The following CHIC1 variants were observed in gnomAD, a reference collection of about 807,000 sequenced individuals.
CHIC1 encodes cysteine rich hydrophobic domain 1.
Under a neutral mutation model 18.5 loss-of-function variants are expected in CHIC1, and 7 were observed. The observed-to-expected ratio is 0.38, with a 90% CI of 0.22 to 0.71. The LOEUF (loss-of-function observed/expected upper bound fraction) is 0.71. Among genes scored for constraint, CHIC1 ranks in the 30% least tolerant of loss-of-function variants. The probability of loss-of-function intolerance (pLI) is 0.49; values close to 1 mark genes in which losing one functional copy is unlikely to be tolerated. For missense variants in CHIC1, 159 were observed against 176.9 expected (o/e 0.90, Z 0.57); for synonymous variants, 77 against 73.5 (o/e 1.05, Z -0.25).
At chrX:73,568,838 T>C (rs1260054351) in intron 1 of CHIC1, among the ~76,000 whole-genome samples, 1 of 111,677 alleles carries the variant, frequency 9.0e-6, no homozygotes, top group Non-Finnish European at 1.9e-5. Context: ...AGTGCATTTC[T>C]CCAAAAACTT....
At chrX:73,660,036 C>A (rs903619804) in intron 3 of CHIC1, among the ~76,000 whole-genome samples, 2 of 111,920 alleles carry the variant, frequency 1.8e-5, no homozygotes, top group Non-Finnish European at 3.8e-5. Flanking sequence ...GGGCTTGTCC[C>A]CCAAGACAGA....
At chrX:73,570,983 T>C (rs1460230091) in intron 1 of CHIC1, among the ~76,000 whole-genome samples, 2 of 110,932 alleles carry the variant, frequency 1.8e-5, no homozygotes, top group African/African-American at 6.5e-5. Flanking sequence ...GAATAAGATA[T>C]TATTTTCAGC....
Position 73,684,247 on chromosome X carries a change from C to T in CHIC1, c.*3242C>T, listed in dbSNP as rs956859124. 2.7e-5 allele frequency: 3 copies of T among 110,518 alleles called. No homozygotes were observed. In the East Asian group the frequency reaches 8.5e-4, roughly 31 times the overall value. 9.1% of individuals were successfully genotyped at this position (110,518 alleles called of 1,213,427 possible). On this transcript the variant is annotated 3_prime_UTR_variant, in exon 6 of 6. Coordinates refer to ENST00000373502, the MANE Select transcript of CHIC1 (RefSeq NM_001039840.4). Reference sequence around the variant, plus strand: ...AGTAAACATGTAATTTAATTTAGTTCTGGAAGGACAGTTGTCTTTGATTAA... The same window carrying T: ...AGTAAACATGTAATTTAATTTAGTTTTGGAAGGACAGTTGTCTTTGATTAA...
intron 3 of CHIC1, among the ~76,000 whole-genome samples, chrX:73,661,741 A>T (rs2057981447): frequency 9.0e-6 from 1 of 111,621 alleles, no homozygotes; most frequent in Admixed American, 9.6e-5. Context: ...AACAATATTG[A>T]TGGGCTGAGC....
chrX:73,623,687 A>G (rs1440070768), intron 3 of CHIC1, among the ~76,000 whole-genome samples: 1 of 111,397 alleles, frequency 9.0e-6, no homozygotes, highest in African/African-American at 3.3e-5. Flanking sequence ...TAGCAAAAAA[A>G]ATTTACATTT....
At chrX:73,677,608 A>C (rs1205749649) in intron 3 of CHIC1, among the ~76,000 whole-genome samples, 1 of 111,793 alleles carries the variant, frequency 8.9e-6, no homozygotes, top group Non-Finnish European at 1.9e-5. Context: ...TTTGGGTGGG[A>C]GTGACCCGAT....
At chrX:73,649,311 C>T (rs1392706414) in intron 3 of CHIC1, among the ~76,000 whole-genome samples, 1 of 111,504 alleles carries the variant, frequency 9.0e-6, no homozygotes, top group African/African-American at 3.3e-5. Flanking sequence ...AAATAACCAG[C>T]TAGGATCATG....
chrX:73,603,064 C>A lies in CHIC1; in HGVS notation c.507+18492C>A, dbSNP rs147536523. ...CTTCTGTGAAGAATGTTAATGGTAG[C>A]TTGATAGGGATATCATTGAATCTAT... On this transcript the variant is annotated intron_variant, in intron 3 of 5. Coordinates refer to ENST00000373502, the MANE Select transcript of CHIC1 (RefSeq NM_001039840.4). Among the ~76,000 whole-genome samples the A allele has an allele frequency of 8.9e-3, 962 of 108,534 alleles. 104 individuals carry two copies. Among genetic ancestry groups the A allele is most frequent in the African/African-American group, 0.033 (916 of 27,947 alleles). The allele number at this position is 108,534 out of a possible 115,157, so 94.2% of individuals were successfully genotyped here.
At position 73,685,995 on chromosome X, in the gene CHIC1, A is replaced by T. The variant is rs1170351324; in HGVS notation, c.*4990A>T. The T allele has an allele frequency of 2.7e-5, 3 of 111,449 alleles. No individual in the cohort carries two copies. The allele number at this position is 111,449 out of a possible 1,213,427, so 9.2% of individuals were successfully genotyped here. A position where few individuals can be genotyped will look rare whatever the true frequency, so the allele number is the denominator to read the frequency against. ...TATTTCAAAAAGTATATTAGAAATTATACATTTACCCATAATATTCCTGCT... is the reference window on the plus strand; with the variant it reads ...TATTTCAAAAAGTATATTAGAAATTTTACATTTACCCATAATATTCCTGCT... On this transcript the variant is annotated 3_prime_UTR_variant, in exon 6 of 6. Coordinates refer to ENST00000373502, the MANE Select transcript of CHIC1 (RefSeq NM_001039840.4).
At chrX:73,652,486 A>T (rs1445939246) in intron 3 of CHIC1, among the ~76,000 whole-genome samples, 1 of 112,222 alleles carries the variant, frequency 8.9e-6, no homozygotes, top group Admixed American at 9.4e-5. Flanking sequence ...CAGTCTACCC[A>T]CCTGACCAAG....
chrX:73,654,600 A>C (rs934297106), intron 3 of CHIC1, among the ~76,000 whole-genome samples: 1 of 111,860 alleles, frequency 8.9e-6, no homozygotes. Flanking sequence ...GTTTGAGAGG[A>C]ATTGTTATTA....
chrX:73,676,973 C>T (rs890400259), intron 3 of CHIC1, among the ~76,000 whole-genome samples: 1 of 111,832 alleles, frequency 8.9e-6, no homozygotes, highest in Non-Finnish European at 1.9e-5. Flanking sequence ...AGCTGCAGGT[C>T]TGTTGGAGTT....
At chrX:73,603,012 A>T (rs1012808194) in intron 3 of CHIC1, among the ~76,000 whole-genome samples, 1 of 108,671 alleles carries the variant, frequency 9.2e-6, no homozygotes, top group South Asian at 3.7e-4. Context: ...TTTTGATTTG[A>T]TATGAAATTT....
At chrX:73,587,639 A>G (rs2057559738) in intron 3 of CHIC1, among the ~76,000 whole-genome samples, 1 of 111,625 alleles carries the variant, frequency 9.0e-6, no homozygotes, top group Non-Finnish European at 1.9e-5. Flanking sequence ...GGAAAAGCAT[A>G]TGATAGAAAC....
At chrX:73,627,540 T>C (rs1180250674) in intron 3 of CHIC1, among the ~76,000 whole-genome samples, 1 of 112,350 alleles carries the variant, frequency 8.9e-6, no homozygotes, top group East Asian at 2.8e-4. Flanking sequence ...CTTCCCACTC[T>C]TCTTCCCTTT....
chrX:73,591,960 A>G (rs2057583933), intron 3 of CHIC1, among the ~76,000 whole-genome samples: 1 of 111,452 alleles, frequency 9.0e-6, no homozygotes, highest in Non-Finnish European at 1.9e-5. Flanking sequence ...TTCTCCTTAA[A>G]TACTGTGTTG....
chrX:73,613,977 G>A (rs1435712473), intron 3 of CHIC1, among the ~76,000 whole-genome samples: 1 of 111,340 alleles, frequency 9.0e-6, no homozygotes, highest in Non-Finnish European at 1.9e-5. Flanking sequence ...ATACTTTCAT[G>A]TGTTTTCATG....
At chrX:73,584,106 C>T (rs898350042) in intron 2 of CHIC1, among the ~76,000 whole-genome samples, 1 of 110,636 alleles carries the variant, frequency 9.0e-6, no homozygotes, top group Admixed American at 9.7e-5. Flanking sequence ...AATTATACTG[C>T]CTTGATAATG....
At chrX:73,650,779 C>G (rs755951727) in intron 3 of CHIC1, among the ~76,000 whole-genome samples, 3 of 109,336 alleles carry the variant, frequency 2.7e-5, no homozygotes, top group Admixed American at 9.8e-5. Context: ...GGAGTTGGTA[C>G]CATTTCTTCT....
Sources: allele counts gnomAD v4.1 joint callset (sites outside exome capture counted in the v4.1 genomes callset), GRCh38; gene constraint gnomAD v4.1.1; transcripts MANE v1.5; gene names NCBI Gene and HGNC (gene_info 2026-07-23, HGNC 2026-07-21).